The following CENPL variants were observed in gnomAD, a reference collection of about 807,000 sequenced individuals.
CENPL encodes interphase centromere complex protein 33.
In CENPL, 20 loss-of-function variants were observed where a neutral mutation model predicts 35.2. The observed-to-expected ratio is 0.57, with a 90% confidence interval of 0.40 to 0.83. The LOEUF is 0.83. CENPL is among the 40% of genes least tolerant of loss of function. The pLI is 0.00. For synonymous variants in CENPL, 140 were observed against 140.6 expected (o/e 1.00, Z 0.03); for missense variants, 363 against 395.8 (o/e 0.92, Z 0.70).
chr1:173,806,835 A>C (rs1365954119), intron 4 of CENPL, among the ~76,000 whole-genome samples: 2 of 152,070 alleles, frequency 1.3e-5, no homozygotes, highest in Admixed American at 1.3e-4. Context: ...AAAATGTTAC[A>C]TTTCTGAGAG....
intron 5 of CENPL, 72 bp downstream of exon 5, chr1:173,802,891 C>A: frequency 1.0e-6 from 1 of 980,158 alleles, no homozygotes; most frequent in Non-Finnish European, 1.5e-6. Flanking sequence ...ATTGAGTGGA[C>A]AATACAATCA....
At chr1:173,818,039 G>A (rs1430762481) in intron 2 of CENPL, among the ~76,000 whole-genome samples, 3 of 152,038 alleles carry the variant, frequency 2.0e-5, no homozygotes, top group South Asian at 2.1e-4. Context: ...AGCATTAGGA[G>A]AAATACCTAA....
intron 3 of CENPL, among the ~76,000 whole-genome samples, chr1:173,807,784 C>T (rs1457929040): frequency 6.6e-6 from 1 of 152,136 alleles, no homozygotes; most frequent in African/African-American, 2.4e-5. Flanking sequence ...ATCCAAGAGG[C>T]CACTCGATCT....
intron 4 of CENPL, among the ~76,000 whole-genome samples, chr1:173,804,367 T>C (rs1571957593): frequency 6.6e-6 from 1 of 152,220 alleles, no homozygotes; most frequent in South Asian, 2.1e-4. Flanking sequence ...ATATTTCCAG[T>C]TTCTTCAACC....
intron 2 of CENPL, chr1:173,822,054 C>T (rs376743242): frequency 3.2e-4 from 49 of 152,260 alleles, no homozygotes; most frequent in African/African-American, 1.1e-3. Flanking sequence ...GTATTTCTAA[C>T]ATTAAAAATT....
At chr1:173,808,208 C>T (rs1374632906) in intron 3 of CENPL, among the ~76,000 whole-genome samples, 1 of 151,856 alleles carries the variant, frequency 6.6e-6, no homozygotes, top group Non-Finnish European at 1.5e-5. Flanking sequence ...GAGTTTGAGA[C>T]CAGCCTAGCC....
chr1:173,812,049 G>C (rs577518728), intron 2 of CENPL, among the ~76,000 whole-genome samples: 21 of 152,372 alleles, frequency 1.4e-4, no homozygotes, highest in African/African-American at 4.6e-4. Context: ...CACACCCATA[G>C]AGCCTTGCTC....
rs762589173 is a variant in CENPL, at chr1:173,811,142, G to A, written c.158C>T (p.Ser53Leu). 71 of 1,611,784 alleles carry A rather than the reference G, an allele frequency of 4.4e-5. No homozygotes were observed. The highest frequency in any genetic ancestry group is 3.3e-4 in the Middle Eastern group (2 of 6,028). The change falls in exon 3 of 6, where the codon TCG becomes TTG. Residue 53 changes from serine to leucine, a missense_variant. Ser to Leu is a moderately radical substitution (Grantham distance 145). Transcript: ENST00000682279. ...ACACAAAAAGCATACCTGCAACTGC[G>A]AACACTGGGGAATTTTCCTTCGAGG... ...TPPRRKIPQC[S>L]QLQEDVDPQK...
At chr1:173,816,214 C>T (rs1293347803) in intron 2 of CENPL, among the ~76,000 whole-genome samples, 2 of 152,174 alleles carry the variant, frequency 1.3e-5, no homozygotes, top group Admixed American at 6.5e-5. Flanking sequence ...ACATTCCATG[C>T]TCATGGATAG....
intron 4 of CENPL, among the ~76,000 whole-genome samples, chr1:173,806,216 G>T (rs978368868): frequency 2.0e-5 from 3 of 152,198 alleles, no homozygotes; most frequent in African/African-American, 7.2e-5. Flanking sequence ...AACTGCTTGA[G>T]AACTTAATTT....
chr1:173,812,031 G>A (rs1481971686), intron 2 of CENPL, among the ~76,000 whole-genome samples: 1 of 152,256 alleles, frequency 6.6e-6, no homozygotes, highest in African/African-American at 2.4e-5. Flanking sequence ...GCCTGGCTTG[G>A]TGGGTCCCAC....
intron 2 of CENPL, chr1:173,822,113 A>G (rs913035819): frequency 1.3e-5 from 2 of 152,074 alleles, no homozygotes; most frequent in Admixed American, 1.3e-4. Context: ...AATCTCCTGG[A>G]AACGTCGTCT....
intron 2 of CENPL, among the ~76,000 whole-genome samples, chr1:173,820,726 C>T (rs1651866891): frequency 6.6e-6 from 1 of 152,104 alleles, no homozygotes; most frequent in Non-Finnish European, 1.5e-5. Flanking sequence ...TGTAATAGTA[C>T]TCAGCAATGA....
chr1:173,817,952 A>C (rs1186343892), intron 2 of CENPL, among the ~76,000 whole-genome samples: 1 of 152,164 alleles, frequency 6.6e-6, no homozygotes, highest in Non-Finnish European at 1.5e-5. Flanking sequence ...GGAATTGATC[A>C]ATGAGAACAA....
chr1:173,818,221 T>A (rs1400791308), intron 2 of CENPL, among the ~76,000 whole-genome samples: 4 of 152,152 alleles, frequency 2.6e-5, no homozygotes, highest in Non-Finnish European at 4.4e-5. Flanking sequence ...CAAAGCTAAT[T>A]CCTTAGCCAC....
chr1:173,802,537 T>C (rs1185266819), intron 5 of CENPL, among the ~76,000 whole-genome samples: 1 of 152,188 alleles, frequency 6.6e-6, no homozygotes, highest in Non-Finnish European at 1.5e-5. Context: ...GAAATCACTC[T>C]GTAGAGAATA....
chr1:173,818,237 A>C (rs1005412367), intron 2 of CENPL, among the ~76,000 whole-genome samples: 4 of 152,192 alleles, frequency 2.6e-5, no homozygotes, highest in African/African-American at 9.6e-5. Flanking sequence ...GCCACAACTA[A>C]GAGTTCTCCG....
rs751483749 is a variant in CENPL at position 173,803,086 on chromosome 1, A to G, written c.840T>C (p.Val280=). 39 of 1,613,892 alleles carry G rather than the reference A, an allele frequency of 2.4e-5. No individual in the cohort carries two copies. Among genetic ancestry groups the G allele is most frequent in the Non-Finnish European group, 3.1e-5 (36 of 1,179,844 alleles). Residue 280 remains valine, a synonymous_variant, in exon 5 of 6, where the codon GTT becomes GTC. Coordinates refer to ENST00000682279, the MANE Select transcript of CENPL (RefSeq NM_001387287.1). ...KTPGEVTQEE[V]DLFMDCLYSH... ...AATAAAGGCAATCCATGAATAGGTC[A>G]ACTTCTTCCTGGGTAACCTCCCCAG...
Position 173,806,483 on chromosome 1 carries a change from C to T in CENPL, c.420+784G>A, listed in dbSNP as rs1426774736. 6 of 444,034 alleles carry T rather than the reference C, an allele frequency of 1.4e-5. No homozygotes were observed. The Admixed American group carries it at 1.4e-4, about 11-fold the overall frequency. 27.5% of individuals were successfully genotyped at this position (444,034 alleles called of 1,614,324 possible). A position where few individuals can be genotyped will look rare whatever the true frequency, so the allele number is the denominator to read the frequency against. The stretch of plus-strand genomic sequence containing the variant: ...CCTGCAGTCCCAGCTACTTGGAAGG[C>T]TAAGGTGGAAGGATCACTTGAGCCC... On this transcript the variant is annotated intron_variant, in intron 4 of 5. Transcript: ENST00000682279.
Sources: allele counts gnomAD v4.1 joint callset (sites outside exome capture counted in the v4.1 genomes callset), GRCh38; gene constraint gnomAD v4.1.1; transcripts MANE v1.5; gene names NCBI Gene and HGNC (gene_info 2026-07-23, HGNC 2026-07-21).